SDK1: variants seen among roughly 807,000 people sequenced by gnomAD.
SDK1 encodes the protein sidekick cell adhesion molecule 1, also known as protein sidekick-1.
Under a neutral mutation model 245.5 loss-of-function variants are expected in SDK1, and 157 were observed. The observed-to-expected ratio is 0.64, with a 90% CI of 0.56 to 0.73. SDK1 has a LOEUF of 0.73. Among genes scored for constraint, SDK1 ranks in the 30% least tolerant of loss-of-function variants. The pLI, the probability that SDK1 is intolerant of heterozygous loss-of-function variation, is 0.00. For synonymous variants in SDK1, 1,647 were observed against 1,278.5 expected, an observed-to-expected ratio of 1.29 and a Z score of -6.15; for missense variants, 3,583 against 3,002.3, an observed-to-expected ratio of 1.19 and a Z score of -4.52.
intron 5 of SDK1, among the ~76,000 whole-genome samples, chr7:3,863,289 C>T (rs1780741541): frequency 6.6e-6 from 1 of 152,152 alleles, no homozygotes; most frequent in South Asian, 2.1e-4. Context: ...TTATCAGAGA[C>T]CTTTCCAGTG....
intron 1 of SDK1, chr7:3,338,128 G>C (rs1338958514): frequency 4.9e-6 from 1 of 202,492 alleles, no homozygotes; most frequent in Non-Finnish European, 1.0e-5. Context: ...TTGCCAAAAT[G>C]ATGAACGACA....
chr7:3,359,063 C>G (rs1348059144), intron 1 of SDK1, among the ~76,000 whole-genome samples: 1 of 152,124 alleles, frequency 6.6e-6, no homozygotes, highest in East Asian at 1.9e-4. Flanking sequence ...ATCATAGAAC[C>G]TTATGGCATC....
At chr7:3,690,196 C>A (rs763869821) in intron 4 of SDK1, among the ~76,000 whole-genome samples, 2 of 152,158 alleles carry the variant, frequency 1.3e-5, no homozygotes, top group Non-Finnish European at 1.5e-5. Context: ...TCACCTACCT[C>A]ATCACGACGC....
intron 1 of SDK1, among the ~76,000 whole-genome samples, chr7:3,387,060 C>T (rs1381317369): frequency 2.0e-5 from 3 of 152,104 alleles, no homozygotes; most frequent in Non-Finnish European, 4.4e-5. Context: ...AAATGGTTTC[C>T]CAAGTGAGCA....
At chr7:3,332,636 A>G (rs1780098797) in intron 1 of SDK1, among the ~76,000 whole-genome samples, 1 of 152,064 alleles carries the variant, frequency 6.6e-6, no homozygotes, top group Non-Finnish European at 1.5e-5. Context: ...GGCCCTAGAA[A>G]GGCTCTGCAT....
intron 5 of SDK1, among the ~76,000 whole-genome samples, chr7:3,915,294 C>A (rs1022572853): frequency 2.6e-5 from 4 of 152,112 alleles, no homozygotes; most frequent in Admixed American, 2.6e-4. Flanking sequence ...TGGTAGGAGA[C>A]CCCTGAAGAG....
At position 3,728,960 on chromosome 7, in the gene SDK1, G is replaced by T. The variant is rs529397333; in HGVS notation, c.713+86855G>T. Among the ~76,000 whole-genome samples, 10 of 152,218 alleles carry T rather than the reference G, an allele frequency of 6.6e-5. No homozygotes were observed. In the South Asian group the frequency reaches 1.0e-3, roughly 16 times the overall value. ...AAAAAAAAAATCTCTAGAAAAACTT[G>T]TATTTAAAAATTATGAAGGCAACTC... On this transcript the variant is annotated intron_variant, in intron 4 of 44. Transcript: ENST00000404826.
At chr7:3,829,603 A>G (rs536104882) in intron 5 of SDK1, among the ~76,000 whole-genome samples, 1 of 152,194 alleles carries the variant, frequency 6.6e-6, no homozygotes, top group Non-Finnish European at 1.5e-5. Flanking sequence ...AAAGCAGAAC[A>G]ACATATACCA....
intron 28 of SDK1, among the ~76,000 whole-genome samples, chr7:4,137,551 G>A (rs1779174932): frequency 6.6e-6 from 1 of 152,134 alleles, no homozygotes; most frequent in Admixed American, 6.5e-5. Context: ...TCTTCCAGGT[G>A]TATTCAGAAA....
intron 5 of SDK1, among the ~76,000 whole-genome samples, chr7:3,915,775 C>G (rs1779353637): frequency 6.6e-6 from 1 of 152,192 alleles, no homozygotes; most frequent in South Asian, 2.1e-4. Context: ...AAGTCACGTG[C>G]TGACTGACTG....
At chr7:4,055,325 TGTTG>T (rs1779127575) in intron 19 of SDK1, among the ~76,000 whole-genome samples, 1 of 152,166 alleles carries the variant, frequency 6.6e-6, no homozygotes, top group African/African-American at 2.4e-5. Context: ...TTTTGGGAGT[TGTTG>T]GTTTTCAAGG....
intron 5 of SDK1, among the ~76,000 whole-genome samples, chr7:3,872,249 A>G (rs901180444): frequency 5.3e-5 from 8 of 152,150 alleles, no homozygotes; most frequent in Admixed American, 1.3e-4. Flanking sequence ...TTATTCATCC[A>G]TAGTTACGTT....
intron 17 of SDK1, among the ~76,000 whole-genome samples, chr7:4,028,672 G>A (rs1287669983): frequency 6.6e-6 from 1 of 152,204 alleles, no homozygotes; most frequent in Non-Finnish European, 1.5e-5. Flanking sequence ...CTAGCTCTCT[G>A]GAGGACAGGC....
In SDK1 at chr7:3,920,895, G is replaced by C. The variant is rs117839317; in HGVS notation, c.848-30028G>C. ...AAGAAGGCGTTTGGTAACAACTGGA[G>C]CCCCTTCTCTGTGCCAGGAGCGGGC... is the stretch of plus-strand genomic sequence containing the variant. On this transcript the variant is annotated intron_variant, in intron 5 of 44. Coordinates refer to ENST00000404826, the MANE Select transcript of SDK1 (RefSeq NM_152744.4). Among the ~76,000 whole-genome samples, 916 of 152,300 alleles carry C rather than the reference G, an allele frequency of 6.0e-3. 6 individuals are homozygous for C. Among genetic ancestry groups the C allele is most frequent in the South Asian group, 0.031 (152 of 4,830 alleles).
intron 4 of SDK1, among the ~76,000 whole-genome samples, chr7:3,740,032 TA>T (rs1779432678): frequency 1.3e-5 from 2 of 152,342 alleles, no homozygotes; most frequent in Non-Finnish European, 2.9e-5. Flanking sequence ...GGTCATCTAA[TA>T]ACTGGATACA....
chr7:3,783,507 G>A (rs1285858872), intron 4 of SDK1, among the ~76,000 whole-genome samples: 3 of 149,152 alleles, frequency 2.0e-5, no homozygotes, highest in East Asian at 1.9e-4. Context: ...ACTAATAAAC[G>A]AATATATTAC....
rs932114562 is a variant in SDK1 at position 4,265,491 on chromosome 7, GA to G, written c.*114del. On this transcript the variant is annotated 3_prime_UTR_variant, in exon 45 of 45. Transcript: ENST00000404826. ...CTGAGCTGAAGTTTTTGTTTAAAAAGAAAAAAATCTGATAAGTGATGATTTT... is the reference window on the plus strand; with the variant it reads ...CTGAGCTGAAGTTTTTGTTTAAAAAGAAAAAATCTGATAAGTGATGATTTT... The G allele has an allele frequency of 1.5e-6, 2 of 1,370,350 alleles. No homozygotes were observed. Among genetic ancestry groups the G allele is most frequent in the Non-Finnish European group, 1.9e-6 (2 of 1,070,192 alleles). 84.9% of individuals were successfully genotyped at this position (1,370,350 alleles called of 1,614,324 possible).
intron 5 of SDK1, among the ~76,000 whole-genome samples, chr7:3,902,672 G>C (rs1781830042): frequency 6.6e-6 from 1 of 152,148 alleles, no homozygotes; most frequent in Non-Finnish European, 1.5e-5. Context: ...TAGTTCAAAA[G>C]TCTAAATTAC....
intron 4 of SDK1, chr7:3,643,636 C>G (rs1016012425): frequency 5.4e-5 from 8 of 149,244 alleles, no homozygotes; most frequent in African/African-American, 2.0e-4. Context: ...TTCCCTAAGC[C>G]TCCTGATTCT....
Sources: gnomAD v4.1 joint callset for allele counts (sites outside exome capture counted in the v4.1 genomes callset) on GRCh38, gnomAD v4.1.1 for gene constraint, MANE v1.5 for transcripts, NCBI Gene and HGNC (gene_info 2026-07-23, HGNC 2026-07-21) for gene names.